RABAC1: variants seen among roughly 807,000 people sequenced by gnomAD.
RABAC1 encodes the protein prenylated Rab acceptor protein 1.
Under a neutral mutation model 22.9 loss-of-function variants are expected in RABAC1, and 16 were observed. That is an observed-to-expected ratio of 0.70 (90% CI 0.47 to 1.06). The LOEUF is 1.06. Among genes scored for constraint, RABAC1 ranks in the 50% least tolerant of loss-of-function variants. The pLI is 0.00. For synonymous variants in RABAC1, 139 were observed against 107.7 expected (o/e 1.29, Z -1.80); for missense variants, 227 against 246.5 (o/e 0.92, Z 0.53).
intron 3 of RABAC1, 38 bp downstream of exon 3, chr19:41,958,248 G>T: frequency 6.4e-7 from 1 of 1,564,938 alleles, no homozygotes; most frequent in South Asian, 1.1e-5. Flanking sequence ...ACCAAGATTT[G>T]AGGGACCAAG....
Position 41,958,858 on chromosome 19 carries a change from C to T in RABAC1, c.147G>A (p.Val49=). 6.2e-7 allele frequency: 1 copy of T among 1,607,268 alleles called. No individual in the cohort carries two copies. The highest frequency in any genetic ancestry group is 8.5e-7 in the Non-Finnish European group (1 of 1,179,242). The change falls in exon 2 of 5, where the codon GTG becomes GTA. Residue 49 remains valine, a synonymous_variant. Coordinates refer to ENST00000222008, the MANE Select transcript of RABAC1 (RefSeq NM_006423.3). ...GGGGCCGTGAGAAGCGCTGCTGGTC[C>T]ACGAAGGTGCTCCAGGGCCGGATGG... ...RATIRPWSTF[V]DQQRFSRPRN...
At chr19:41,958,508 T>A in intron 2 of RABAC1, 125 bp from the exon 3 acceptor site, 1 of 991,292 alleles carries the variant, frequency 1.0e-6, no homozygotes, top group Non-Finnish European at 1.6e-6. Context: ...CAGGTGACAT[T>A]TAGTCACACT....
intron 2 of RABAC1, 59 bp downstream of exon 2, chr19:41,958,677 G>C (rs563829404): frequency 1.3e-6 from 2 of 1,536,470 alleles, no homozygotes; most frequent in African/African-American, 1.4e-5. Context: ...CCTGAGCGGC[G>C]AGAGGAGGGG....
intron 2 of RABAC1, 151 bp downstream of exon 2, chr19:41,958,585 G>A (rs2075000699): frequency 4.0e-6 from 4 of 990,078 alleles, no homozygotes; most frequent in East Asian, 5.2e-5. Flanking sequence ...GTCTAGCAGA[G>A]CCAATCCTTG....
At chr19:41,959,167 G>A in intron 1 of RABAC1, 70 bp downstream of exon 1, 1 of 1,595,546 alleles carries the variant, frequency 6.3e-7, no homozygotes, top group East Asian at 2.2e-5. Context: ...CTCGAGGGAG[G>A]AGGGAGGAGG....
chr19:41,958,627 CT>C, intron 2 of RABAC1, 108 bp downstream of exon 2: 1 of 1,252,608 alleles, frequency 8.0e-7, no homozygotes, highest in African/African-American at 1.5e-5. Context: ...GAAGAGGGCC[CT>C]GGGCGGTGAG....
chr19:41,958,682 G>C, intron 2 of RABAC1, 54 bp downstream of exon 2: 1 of 1,551,750 alleles, frequency 6.4e-7, no homozygotes. Context: ...GCGGCGAGAG[G>C]AGGGGTCCAG....
chr19:41,958,427 T>C (rs2074999816), intron 2 of RABAC1, 44 bp from the exon 3 acceptor site: 1 of 1,565,220 alleles, frequency 6.4e-7, no homozygotes, highest in African/African-American at 1.4e-5. Flanking sequence ...CAGCTGGGGC[T>C]GGGCCAGCCC....
rs782799396 is a variant in RABAC1 at position 41,959,310 on chromosome 19, T to C, written c.-18A>G. On this transcript the variant is annotated 5_prime_UTR_variant, in exon 1 of 5. Transcript: ENST00000222008. ...GCTGCCATGTCTGCGTCGTGAGGGG[T>C]AGAGCTGCTGTAACCAGCCCGGTAC... The C allele has an allele frequency of 4.3e-6, 7 of 1,613,218 alleles. No homozygotes were observed. The highest frequency in any genetic ancestry group is 1.3e-5 in the African/African-American group (1 of 74,948).
Position 41,958,081 on chromosome 19 carries a change from T to C in RABAC1, c.367+205A>G. 7.3e-6 allele frequency: 4 copies of C among 550,216 alleles called. No individual in the cohort carries two copies. In the South Asian group the frequency reaches 8.1e-5, roughly 11 times the overall value. The allele number at this position is 550,216 out of a possible 1,614,324, so 34.1% of individuals were successfully genotyped here. ...CCAGGTGGATCCTGGGTTTGAGGAA[T>C]AGCAATTTGAGGGGGCTGAGACTCG... On this transcript the variant is annotated intron_variant, in intron 3 of 4. Coordinates refer to ENST00000222008, the MANE Select transcript of RABAC1 (RefSeq NM_006423.3).
In RABAC1 at chr19:41,958,861, G is replaced by A. The variant is rs375031158; in HGVS notation, c.144C>T (p.Phe48=). Residue 48 remains phenylalanine, a synonymous_variant, in exon 2 of 5, where the codon TTC becomes TTT. Transcript: ENST00000222008. ...GCCGTGAGAAGCGCTGCTGGTCCAC[G>A]AAGGTGCTCCAGGGCCGGATGGTCG... ...RRATIRPWST[F]VDQQRFSRPR... The A allele has an allele frequency of 6.2e-7, 1 of 1,606,916 alleles. No individual in the cohort carries two copies. Among genetic ancestry groups the A allele is most frequent in the African/African-American group, 1.3e-5 (1 of 75,032 alleles).
At position 41,956,826 on chromosome 19, in the gene RABAC1, G is replaced by T; in HGVS notation, c.*20C>A. On this transcript the variant is annotated 3_prime_UTR_variant, in exon 5 of 5. Transcript: ENST00000222008. ...GGTGGGGCAGCTGGCCCGGGAGGCC[G>T]GCAGGTCCCAGAAGACACCTCACAC... 6.3e-7 allele frequency: 1 copy of T among 1,589,724 alleles called. No individual in the cohort carries two copies. Among genetic ancestry groups the T allele is most frequent in the Non-Finnish European group, 8.6e-7 (1 of 1,164,852 alleles).
At chr19:41,958,546 A>T (rs1443245353) in intron 2 of RABAC1, among the ~76,000 whole-genome samples, 163 bp from the exon 3 acceptor site, 1 of 152,162 alleles carries the variant, frequency 6.6e-6, no homozygotes, top group Non-Finnish European at 1.5e-5. Context: ...ATGGTGGGGT[A>T]GGGGACCTGG....
chr19:41,959,014 G>T, intron 1 of RABAC1, 66 bp from the exon 2 acceptor site: 1 of 1,458,696 alleles, frequency 6.9e-7, no homozygotes. Context: ...CAAAAGAAGG[G>T]GACTAAGGGT....
intron 2 of RABAC1, 149 bp from the exon 3 acceptor site, chr19:41,958,532 G>T: frequency 1.1e-6 from 1 of 919,960 alleles, no homozygotes; most frequent in Non-Finnish European, 1.7e-6. Context: ...TCCTGGCCAG[G>T]GTGATGGTGG....
At position 41,959,187 on chromosome 19, in the gene RABAC1, G is replaced by GCCCGGACT. The variant is rs782494967; in HGVS notation, c.56+42_56+49dup. ...GGGAGGAGGGAGGAGGGGGCCGGGG[G>GCCCGGACT]CCCGGACTCCCGGGTCTCTGGTCCG... On this transcript the variant is annotated intron_variant, in intron 1 of 4. Coordinates refer to ENST00000222008, the MANE Select transcript of RABAC1 (RefSeq NM_006423.3). 1.9e-6 allele frequency: 3 copies of GCCCGGACT among 1,609,714 alleles called. No homozygotes were observed. In the East Asian group the frequency reaches 6.7e-5, roughly 36 times the overall value.
At chr19:41,957,674 T>G (rs2074996099) in intron 3 of RABAC1, among the ~76,000 whole-genome samples, 1 of 152,074 alleles carries the variant, frequency 6.6e-6, no homozygotes, top group African/African-American at 2.4e-5. Flanking sequence ...ATCAAGCACA[T>G]AACTTGCAGG....
intron 2 of RABAC1, 112 bp downstream of exon 2, chr19:41,958,624 G>A: frequency 4.1e-6 from 5 of 1,217,154 alleles, no homozygotes; most frequent in Admixed American, 2.2e-5. Flanking sequence ...TGAGAAGAGG[G>A]CCCTGGGCGG....
At position 41,957,166 on chromosome 19, in the gene RABAC1, C is replaced by T. The variant is rs371620840; in HGVS notation, c.368-47G>A. 28 of 1,500,454 alleles carry T rather than the reference C, an allele frequency of 1.9e-5. No homozygotes were observed. The African/African-American group carries it at 2.3e-4, about 13-fold the overall frequency. The allele number at this position is 1,500,454 out of a possible 1,614,324, so 92.9% of individuals were successfully genotyped here. On this transcript the variant is annotated intron_variant, in intron 3 of 4. Transcript: ENST00000222008. Reference sequence around the variant, plus strand: ...GTGCTGTTCCGACTCTCCATGCCCTCTCCCAGAGTAACCCCTGCTGCCCCC... The same window carrying T: ...GTGCTGTTCCGACTCTCCATGCCCTTTCCCAGAGTAACCCCTGCTGCCCCC...
Sources: gnomAD v4.1 joint callset for allele counts (sites outside exome capture counted in the v4.1 genomes callset) on GRCh38, gnomAD v4.1.1 for gene constraint, MANE v1.5 for transcripts, NCBI Gene and HGNC (gene_info 2026-07-23, HGNC 2026-07-21) for gene names.